UNC13C: variants seen among roughly 807,000 people sequenced by gnomAD.
The protein encoded by UNC13C is protein unc-13 homolog C.
In UNC13C, 174 loss-of-function variants were observed where a neutral mutation model predicts 245.4. The observed-to-expected ratio is 0.71, with a 90% CI of 0.63 to 0.80. The LOEUF (loss-of-function observed/expected upper bound fraction) is 0.80, where lower values mean the gene tolerates loss of function less well. UNC13C is among the 30% of genes least tolerant of loss of function. The probability of loss-of-function intolerance (pLI) is 0.00; values close to 1 mark genes in which losing one functional copy is unlikely to be tolerated. For synonymous variants in UNC13C, 992 were observed against 895.1 expected, an observed-to-expected ratio of 1.11 and a Z score of -1.93; for missense variants, 2,829 against 2,602.9, an observed-to-expected ratio of 1.09 and a Z score of -1.89.
the UNC13C span, among the ~76,000 whole-genome samples, chr15:53,880,045 G>A: frequency 1.3e-5 from 2 of 151,680 alleles, no homozygotes. Context: ...TGGCATTTTT[G>A]TTTAAATCAT....
At chr15:54,202,102 T>C (rs550194310) in intron 4 of UNC13C, among the ~76,000 whole-genome samples, 64 of 151,540 alleles carry the variant, frequency 4.2e-4, no homozygotes, top group Middle Eastern at 6.8e-3. Flanking sequence ...GTTAAGAATA[T>C]ACCTAACCAA....
chr15:54,004,751 T>C (rs1895060519), intron 1 of UNC13C, among the ~76,000 whole-genome samples: 1 of 152,228 alleles, frequency 6.6e-6, no homozygotes, highest in Non-Finnish European at 1.5e-5. Context: ...ATCTCTCTAA[T>C]GATCAATGAT....
intron 2 of UNC13C, among the ~76,000 whole-genome samples, chr15:54,079,290 T>C (rs1167625271): frequency 6.6e-6 from 1 of 152,146 alleles, no homozygotes; most frequent in Non-Finnish European, 1.5e-5. Flanking sequence ...ACTTTGGCTA[T>C]TCTGGCATAT....
intron 1 of UNC13C, among the ~76,000 whole-genome samples, chr15:54,007,524 A>G (rs1053835311): frequency 5.3e-5 from 8 of 152,106 alleles, no homozygotes; most frequent in African/African-American, 1.9e-4. Context: ...AAAACCAAAC[A>G]CTGCATCTTC....
chr15:54,431,778 T>A (rs2040878463), intron 19 of UNC13C, among the ~76,000 whole-genome samples: 1 of 151,606 alleles, frequency 6.6e-6, no homozygotes, highest in South Asian at 2.1e-4. Context: ...TACTTGGAGG[T>A]ATCAGATAGT....
chr15:54,333,738 C>T (rs1368451659), intron 15 of UNC13C, 29 bp from the exon 16 acceptor site: 2 of 1,493,450 alleles, frequency 1.3e-6, no homozygotes, highest in Admixed American at 3.7e-5. Context: ...TGCTGACAAC[C>T]TTATCCATTT....
chr15:54,532,944 A>G lies in UNC13C; in HGVS notation c.5574A>G (p.Ile1858Met). ...ESFQVIIEECIKQMSFELNQM... is the reference protein window; with the variant it reads ...ESFQVIIEECMKQMSFELNQM... ...TCCAGGTTATAATTGAAGAGTGTAT[A>G]AAACAGATGAGTTTCGAACTAAATC... Residue 1858 changes from isoleucine to methionine, a missense_variant, in exon 26 of 33, where the codon ATA becomes ATG. Physicochemically the swap from Ile to Met is conservative, Grantham distance 10. Coordinates refer to ENST00000260323, the MANE Select transcript of UNC13C (RefSeq NM_001080534.3). 4 of 1,577,122 alleles carry G rather than the reference A, an allele frequency of 2.5e-6. No individual in the cohort carries two copies. Among genetic ancestry groups the G allele is most frequent in the Non-Finnish European group, 3.5e-6 (4 of 1,154,800 alleles).
intron 17 of UNC13C, among the ~76,000 whole-genome samples, chr15:54,381,320 A>G (rs968948394): frequency 6.6e-6 from 1 of 152,028 alleles, no homozygotes; most frequent in East Asian, 1.9e-4. Context: ...GTCTGCTTTT[A>G]TATTAGCACC....
At chr15:54,449,157 T>C (rs1217754502) in intron 19 of UNC13C, among the ~76,000 whole-genome samples, 1 of 152,260 alleles carries the variant, frequency 6.6e-6, no homozygotes, top group African/African-American at 2.4e-5. Context: ...GTTAGTCTTA[T>C]GGGCTTCCCT....
intron 19 of UNC13C, among the ~76,000 whole-genome samples, chr15:54,426,980 T>C (rs952587530): frequency 6.6e-6 from 1 of 151,796 alleles, no homozygotes; most frequent in African/African-American, 2.4e-5. Context: ...GAGTTAACCA[T>C]TCAGCTAGAT....
At chr15:54,496,212 C>G (rs1893942524) in intron 20 of UNC13C, among the ~76,000 whole-genome samples, 1 of 151,832 alleles carries the variant, frequency 6.6e-6, no homozygotes, top group African/African-American at 2.4e-5. Flanking sequence ...ATAAAACATA[C>G]TTAAAATAAA....
At position 54,265,591 on chromosome 15, in the gene UNC13C, T is replaced by A. The variant is rs970479868; in HGVS notation, c.3818+95T>A. 1.1e-5 allele frequency: 11 copies of A among 964,040 alleles called. No individual in the cohort carries two copies. The African/African-American group carries it at 1.2e-4, about 10-fold the overall frequency. 59.7% of individuals were successfully genotyped at this position (964,040 alleles called of 1,614,324 possible). ...AGGATGCAATAATTATCTCATTTTT[T>A]AATAATCTCTTACCCAAAAGTAATA... On this transcript the variant is annotated intron_variant, in intron 10 of 32. Coordinates refer to ENST00000260323, the MANE Select transcript of UNC13C (RefSeq NM_001080534.3).
Position 54,013,379 on chromosome 15 carries a change from G to T in UNC13C, c.476G>T (p.Ser159Ile), listed in dbSNP as rs1224863291. 6.2e-7 allele frequency: 1 copy of T among 1,613,872 alleles called. No homozygotes were observed. Among genetic ancestry groups the T allele is most frequent in the Admixed American group, 1.7e-5 (1 of 59,970 alleles). ...PVRRNRKSSS[S>I]LAPSEGSSDG... ...AGACGCAACAGAAAGAGTTCAAGCAGCCTTGCACCCTCTGAGGGCAGCTCT... is the reference window on the plus strand; with the variant it reads ...AGACGCAACAGAAAGAGTTCAAGCATCCTTGCACCCTCTGAGGGCAGCTCT... The change falls in exon 2 of 33, where the codon AGC (serine) becomes ATC (isoleucine). Residue 159 changes from serine to isoleucine, a missense_variant. Ser to Ile is a moderately radical substitution (Grantham distance 142). Transcript: ENST00000260323.
chr15:54,154,793 A>T (rs1302345700), intron 4 of UNC13C, among the ~76,000 whole-genome samples: 1 of 152,300 alleles, frequency 6.6e-6, no homozygotes, highest in Non-Finnish European at 1.5e-5. Flanking sequence ...TATTCAAAAG[A>T]TTAGGTTATA....
intron 19 of UNC13C, among the ~76,000 whole-genome samples, chr15:54,421,829 A>G (rs2040651264): frequency 1.3e-5 from 2 of 152,056 alleles, no homozygotes; most frequent in South Asian, 4.1e-4. Flanking sequence ...TCATTAATAC[A>G]CACACTTATG....
intron 30 of UNC13C, among the ~76,000 whole-genome samples, chr15:54,616,343 C>G (rs1900428377): frequency 6.6e-6 from 1 of 152,014 alleles, no homozygotes; most frequent in African/African-American, 2.4e-5. Context: ...CAGTGATACA[C>G]TGCATTTCAA....
intron 2 of UNC13C, among the ~76,000 whole-genome samples, chr15:54,125,744 T>C (rs1314107714): frequency 6.6e-6 from 1 of 152,226 alleles, no homozygotes; most frequent in Non-Finnish European, 1.5e-5. Context: ...TACATGTTCA[T>C]TTTTGATTGC....
the UNC13C span, among the ~76,000 whole-genome samples, chr15:53,964,768 A>G: frequency 6.6e-6 from 1 of 152,224 alleles, no homozygotes; most frequent in Non-Finnish European, 1.5e-5. Context: ...ATAGCATGTC[A>G]TCTAAAGCCA....
intron 8 of UNC13C, among the ~76,000 whole-genome samples, chr15:54,257,254 T>C (rs2036303434): frequency 6.6e-6 from 1 of 152,228 alleles, no homozygotes; most frequent in South Asian, 2.1e-4. Flanking sequence ...TTAGTAAAAA[T>C]ATTTTGAAAA....
Sources: gnomAD v4.1 joint callset for allele counts (sites outside exome capture counted in the v4.1 genomes callset) on GRCh38, gnomAD v4.1.1 for gene constraint, MANE v1.5 for transcripts, NCBI Gene and HGNC (gene_info 2026-07-23, HGNC 2026-07-21) for gene names.